Variants in CYP2E1 observed in about 807,000 individuals in gnomAD.
The protein encoded by CYP2E1 is cytochrome P450 family 2 subfamily E member 1.
CYP2E1 carries 31 observed loss-of-function variants against 42.9 expected under a neutral mutation model. The observed-to-expected ratio is 0.72, with a 90% CI of 0.54 to 0.98. The LOEUF (loss-of-function observed/expected upper bound fraction) is 0.98. Ranked by LOEUF, CYP2E1 falls within the 50% of genes least tolerant of loss-of-function variation. The pLI is 0.00. For missense variants in CYP2E1, 565 were observed against 633.2 expected (o/e 0.89, Z 1.16); for synonymous variants, 244 against 248.9 (o/e 0.98, Z 0.19).
chr10:133,532,957 T>C lies in CYP2E1; in HGVS notation c.825+89T>C, dbSNP rs546394071. 10 of 1,213,758 alleles carry C rather than the reference T, an allele frequency of 8.2e-6. No homozygotes were observed. In the East Asian group the frequency reaches 1.8e-4, roughly 22 times the overall value. 75.2% of individuals were successfully genotyped at this position (1,213,758 alleles called of 1,614,324 possible). On this transcript the variant is annotated intron_variant, in intron 5 of 8. Coordinates refer to ENST00000252945, the MANE Select transcript of CYP2E1 (RefSeq NM_000773.4). ...TTACAGAGTGAGCTGCACTTGCTGG[T>C]GTCCAGACCTCCCACCGCAGCATGC...
Position 133,528,720 on chromosome 10 carries a change from T to C in CYP2E1, c.337+80T>C, listed in dbSNP as rs1851302555. ...TTACGGGCGCTAGCCACGTCGGCGA[T>C]GGCCAAATAATAAACTAACAGTAAT... On this transcript the variant is annotated intron_variant, in intron 2 of 8. Coordinates refer to ENST00000252945, the MANE Select transcript of CYP2E1 (RefSeq NM_000773.4). 4 of 1,525,278 alleles carry C rather than the reference T, an allele frequency of 2.6e-6. No homozygotes were observed. The South Asian group carries it at 4.6e-5, about 18-fold the overall frequency. The allele number at this position is 1,525,278 out of a possible 1,614,324, so 94.5% of individuals were successfully genotyped here. A position where few individuals can be genotyped will look rare whatever the true frequency, so the allele number is the denominator to read the frequency against.
At chr10:133,537,479 G>A in intron 7 of CYP2E1, 1 of 604,486 alleles carries the variant, frequency 1.7e-6, no homozygotes, top group Non-Finnish European at 2.9e-6. Context: ...TCAGCAGATA[G>A]TGCCTGGGAC....
Position 133,537,897 on chromosome 10 carries a change from G to C in CYP2E1, c.1297+5G>C, listed in dbSNP as rs1357410716. The stretch of plus-strand genomic sequence containing the variant: ...ATTTCAAGCCATTTTCCACAGGTGA[G>C]AAAGATCAGAGGCAGTACCTTCCCT... On this transcript the variant is annotated splice_donor_5th_base_variant and intron_variant, in intron 8 of 8. Coordinates refer to ENST00000252945, the MANE Select transcript of CYP2E1 (RefSeq NM_000773.4). The C allele has an allele frequency of 1.2e-6, 2 of 1,612,894 alleles. No individual in the cohort carries two copies. The highest frequency in any genetic ancestry group is 2.2e-5 in the South Asian group (2 of 90,808).
intron 3 of CYP2E1, 188 bp downstream of exon 3, chr10:133,531,922 C>G: frequency 1.3e-6 from 1 of 746,092 alleles, no homozygotes. Flanking sequence ...GCAAGGGTGG[C>G]CATTAAACAC....
intron 6 of CYP2E1, among the ~76,000 whole-genome samples, chr10:133,535,206 C>T (rs2902902): frequency 0.015 from 2,226 of 152,008 alleles, 41 homozygotes; most frequent in African/African-American, 0.05. Flanking sequence ...TGGTGGCACG[C>T]GCCTATAGTC....
chr10:133,528,170 C>G (rs1197673551), intron 1 of CYP2E1: 2 of 296,180 alleles, frequency 6.8e-6, no homozygotes, highest in Non-Finnish European at 1.3e-5. Flanking sequence ...AAGCGGGCAA[C>G]GGGGTGGTTG....
At chr10:133,537,688 T>G in intron 7 of CYP2E1, 63 bp from the exon 8 acceptor site, 1 of 1,408,420 alleles carries the variant, frequency 7.1e-7, no homozygotes, top group Non-Finnish European at 9.9e-7. Context: ...TCACTGGGGG[T>G]TTCCAGATGA....
intron 2 of CYP2E1, among the ~76,000 whole-genome samples, 197 bp downstream of exon 2, chr10:133,528,837 G>T (rs1851304369): frequency 6.6e-6 from 1 of 152,246 alleles, no homozygotes; most frequent in African/African-American, 2.4e-5. Context: ...AGTCGCCCAG[G>T]AATCCGGCCT....
At chr10:133,530,595 G>A (rs1011631710) in intron 2 of CYP2E1, among the ~76,000 whole-genome samples, 1 of 152,176 alleles carries the variant, frequency 6.6e-6, no homozygotes, top group African/African-American at 2.4e-5. Context: ...CGCCTCCCAG[G>A]AGTGGTCAGT....
chr10:133,537,342 C>T lies in CYP2E1; in HGVS notation c.1155+92C>T, dbSNP rs1449922639. The T allele has an allele frequency of 2.3e-5, 31 of 1,355,656 alleles. No individual in the cohort carries two copies. The African/African-American group carries it at 3.7e-4, about 16-fold the overall frequency. The allele number at this position is 1,355,656 out of a possible 1,614,324, so 84.0% of individuals were successfully genotyped here. On this transcript the variant is annotated intron_variant, in intron 7 of 8. Coordinates refer to ENST00000252945, the MANE Select transcript of CYP2E1 (RefSeq NM_000773.4). Reference sequence around the variant, plus strand: ...GGAGCAGGATGGGGGCCCCAAGACCCTTCCCTTTGGCAGGGGTCACTGAGG... The same window carrying T: ...GGAGCAGGATGGGGGCCCCAAGACCTTTCCCTTTGGCAGGGGTCACTGAGG...
rs1305455892 is a variant in CYP2E1 at position 133,537,265 on chromosome 10, C to T, written c.1155+15C>T. On this transcript the variant is annotated intron_variant, in intron 7 of 8. Coordinates refer to ENST00000252945, the MANE Select transcript of CYP2E1 (RefSeq NM_000773.4). The stretch of plus-strand genomic sequence containing the variant: ...TCATCCCCAAGGTTAAGCAATGAGC[C>T]TGCAGCACACAGCATGAACACCATC... The T allele has an allele frequency of 1.2e-6, 2 of 1,611,398 alleles. No homozygotes were observed. Among genetic ancestry groups the T allele is most frequent in the East Asian group, 2.2e-5 (1 of 44,834 alleles).
Position 133,534,215 on chromosome 10 carries a change from A to G in CYP2E1, c.967+318A>G, listed in dbSNP as rs958732625. Among the ~76,000 whole-genome samples, 5 of 152,130 alleles carry G rather than the reference A, an allele frequency of 3.3e-5. No homozygotes were observed. The East Asian group carries it at 9.6e-4, about 29-fold the overall frequency. The stretch of plus-strand genomic sequence containing the variant: ...ATAACCTCTTTATGACAGAGAAGAT[A>G]ATGTCCCAGTTCCCCCCAAGTAAGA... On this transcript the variant is annotated intron_variant, in intron 6 of 8. Coordinates refer to ENST00000252945, the MANE Select transcript of CYP2E1 (RefSeq NM_000773.4).
intron 6 of CYP2E1, among the ~76,000 whole-genome samples, chr10:133,536,460 G>A (rs1851397895): frequency 6.7e-6 from 1 of 150,284 alleles, no homozygotes; most frequent in African/African-American, 2.4e-5. Context: ...TGGATGGGTG[G>A]GTGGATGGAT....
chr10:133,536,651 G>A (rs1437947596), intron 6 of CYP2E1, among the ~76,000 whole-genome samples: 2 of 143,676 alleles, frequency 1.4e-5, no homozygotes, highest in Admixed American at 1.4e-4. Context: ...GTGGTTGGGT[G>A]GATGGATGGA....
Position 133,537,900 on chromosome 10 carries a change from A to G in CYP2E1, c.1297+8A>G, listed in dbSNP as rs1589957334. ...TCAAGCCATTTTCCACAGGTGAGAAAGATCAGAGGCAGTACCTTCCCTTGA... is the reference window on the plus strand; with the variant it reads ...TCAAGCCATTTTCCACAGGTGAGAAGGATCAGAGGCAGTACCTTCCCTTGA... On this transcript the variant is annotated splice_region_variant and intron_variant, in intron 8 of 8. Transcript: ENST00000252945. 1 of 1,612,668 alleles carries G rather than the reference A, an allele frequency of 6.2e-7. No homozygotes were observed. The highest frequency in any genetic ancestry group is 8.5e-7 in the Non-Finnish European group (1 of 1,179,274).
At chr10:133,537,027 C>G (rs1419510962) in intron 6 of CYP2E1, 36 bp from the exon 7 acceptor site, 1 of 1,361,076 alleles carries the variant, frequency 7.3e-7, no homozygotes, top group Non-Finnish European at 1.0e-6. Context: ...GGCCAGGAAC[C>G]AATCCCTGAA....
chr10:133,538,552 A>T (rs1362670926), intron 8 of CYP2E1, among the ~76,000 whole-genome samples: 3 of 152,150 alleles, frequency 2.0e-5, no homozygotes, highest in African/African-American at 7.2e-5. Context: ...TGAGCTCTGG[A>T]TAATTGAGAT....
Position 133,537,150 on chromosome 10 carries a change from C to G in CYP2E1, c.1055C>G (p.Ala352Gly). ...KDRQEMPYMD[A>G]VVHEIQRFIT... ...AGGCAAGAGATGCCCTACATGGATG[C>G]TGTGGTGCATGAGATTCAGCGGTTC... The change falls in exon 7 of 9, where the codon GCT becomes GGT. Residue 352 changes from alanine (A) to glycine (G), a missense_variant. By Grantham distance (60) the Ala-to-Gly change is moderately conservative (BLOSUM62 0). Transcript: ENST00000252945. 1.9e-6 allele frequency: 3 copies of G among 1,614,100 alleles called. No individual in the cohort carries two copies. Among genetic ancestry groups the G allele is most frequent in the Non-Finnish European group, 2.5e-6 (3 of 1,179,992 alleles).
chr10:133,532,968 C>T, intron 5 of CYP2E1, 100 bp downstream of exon 5: 3 of 1,085,452 alleles, frequency 2.8e-6, no homozygotes, highest in Non-Finnish European at 3.9e-6. Context: ...GTCCAGACCT[C>T]CCACCGCAGC....
Sources: allele counts gnomAD v4.1 joint callset (sites outside exome capture counted in the v4.1 genomes callset), GRCh38; gene constraint gnomAD v4.1.1; transcripts MANE v1.5; gene names NCBI Gene and HGNC (gene_info 2026-07-23, HGNC 2026-07-21).